The following PBX4 variants were observed in gnomAD, a reference collection of about 807,000 sequenced individuals.
PBX4 encodes pre-B-cell leukemia transcription factor 4.
A neutral mutation model predicts 35.1 loss-of-function variants in PBX4; 26 were observed. The ratio of observed to expected loss-of-function variants is 0.74; its 90% CI spans 0.54 to 1.03. The LOEUF (loss-of-function observed/expected upper bound fraction) is 1.03. Among genes scored for constraint, PBX4 ranks in the 50% least tolerant of loss-of-function variants. PBX4 has a pLI of 0.00. For synonymous variants in PBX4, 199 were observed against 204.2 expected (o/e 0.97, Z 0.22); for missense variants, 448 against 504.3 (o/e 0.89, Z 1.07).
At chr19:19,602,762 T>C (rs1425043346) in intron 1 of PBX4, among the ~76,000 whole-genome samples, 1 of 151,936 alleles carries the variant, frequency 6.6e-6, no homozygotes, top group Non-Finnish European at 1.5e-5. Flanking sequence ...TGCTTTGACA[T>C]TGTGGGGCTT....
At chr19:19,574,123 C>A (rs62137780) in intron 2 of PBX4, among the ~76,000 whole-genome samples, 14 of 152,166 alleles carry the variant, frequency 9.2e-5, no homozygotes, top group Non-Finnish European at 1.9e-4. Flanking sequence ...GCGATCCACC[C>A]GCCTCGGCCT....
chr19:19,585,496 C>T (rs748309017), intron 2 of PBX4, among the ~76,000 whole-genome samples: 16 of 152,160 alleles, frequency 1.1e-4, no homozygotes, highest in Non-Finnish European at 2.1e-4. Context: ...CTAGGCAAAT[C>T]TCCGTCATCT....
chr19:19,572,070 CTTT>C (rs1249792389), intron 2 of PBX4, among the ~76,000 whole-genome samples: 1 of 69,108 alleles, frequency 1.4e-5, no homozygotes. Flanking sequence ...TAGAATCAGG[CTTT>C]TTTTTTTTTT....
chr19:19,595,082 TA>T (rs2061553246), intron 2 of PBX4, among the ~76,000 whole-genome samples: 1 of 152,226 alleles, frequency 6.6e-6, no homozygotes. Context: ...GTTGCATTGC[TA>T]AACATCCGCT....
At chr19:19,573,702 AT>A (rs2061401564) in intron 2 of PBX4, among the ~76,000 whole-genome samples, 1 of 152,102 alleles carries the variant, frequency 6.6e-6, no homozygotes, top group African/African-American at 2.4e-5. Context: ...GAACCATAAA[AT>A]AAAGCCGCCA....
Position 19,565,058 on chromosome 19 carries a change from C to G in PBX4, c.800G>C (p.Arg267Pro), listed in dbSNP as rs148814820. Residue 267 changes from arginine (R) to proline (P), a missense_variant, in exon 6 of 8, where the codon CGG becomes CCG. Transcript: ENST00000251203. ...VSNWFGNKRIRYKKNMGKFQE... is the reference protein window; with the variant it reads ...VSNWFGNKRIPYKKNMGKFQE... Reference sequence around the variant, plus strand: ...AAACTTCCCCATGTTCTTTTTATACCGGATTCTTTTGTTGCCAAACCAGTT... The same window carrying G: ...AAACTTCCCCATGTTCTTTTTATACGGGATTCTTTTGTTGCCAAACCAGTT... The G allele has an allele frequency of 1.9e-6, 3 of 1,614,062 alleles. No individual in the cohort carries two copies. The African/African-American group carries it at 4.0e-5, about 22-fold the overall frequency.
At chr19:19,564,017 GT>G (rs1238695003) in intron 6 of PBX4, among the ~76,000 whole-genome samples, 1 of 151,704 alleles carries the variant, frequency 6.6e-6, no homozygotes, top group Non-Finnish European at 1.5e-5. Flanking sequence ...TATACTTTAA[GT>G]TTTAGGGTAC....
In PBX4 at chr19:19,577,172, G is replaced by A. The variant is rs545303517; in HGVS notation, c.194-6339C>T. ...ATTGTGCCACTGCACTCCAACCTGG[G>A]AAACAGAGCGAGACTCCATGTCAAA... On this transcript the variant is annotated intron_variant, in intron 2 of 7. Coordinates refer to ENST00000251203, the MANE Select transcript of PBX4 (RefSeq NM_025245.3). Among the ~76,000 whole-genome samples the A allele has an allele frequency of 1.6e-4, 22 of 137,450 alleles. No homozygotes were observed. In the East Asian group the frequency reaches 4.6e-3, roughly 29 times the overall value. 90.2% of individuals were successfully genotyped at this position (137,450 alleles called of 152,430 possible).
At chr19:19,590,226 C>T (rs1455418337) in intron 2 of PBX4, among the ~76,000 whole-genome samples, 3 of 152,130 alleles carry the variant, frequency 2.0e-5, no homozygotes, top group Admixed American at 2.0e-4. Context: ...TCACTCTTTA[C>T]GCCCCCTCCC....
intron 2 of PBX4, among the ~76,000 whole-genome samples, chr19:19,578,015 TAAAAAAAAA>T (rs34023797): frequency 1.4e-5 from 1 of 73,380 alleles, no homozygotes; most frequent in Non-Finnish European, 2.5e-5. Flanking sequence ...CCATCTCTAC[TAAAAAAAAA>T]AAAAAAAAAA....
At chr19:19,606,670 A>G (rs2061633384) in intron 1 of PBX4, 1 of 152,262 alleles carries the variant, frequency 6.6e-6, no homozygotes, top group Admixed American at 6.6e-5. Context: ...TGGTGCTGGT[A>G]TGTCTAACAA....
At chr19:19,570,996 C>A in intron 2 of PBX4, 163 bp from the exon 3 acceptor site, 1 of 894,430 alleles carries the variant, frequency 1.1e-6, no homozygotes, top group South Asian at 1.7e-5. Flanking sequence ...GGACACTGAG[C>A]ACCCCGCTAA....
rs1368024662 is a variant in PBX4 at position 19,565,619 on chromosome 19, T to C, written c.769-530A>G. Among the ~76,000 whole-genome samples the C allele has an allele frequency of 2.0e-5, 3 of 152,292 alleles. No homozygotes were observed. In the East Asian group the frequency reaches 5.8e-4, roughly 29 times the overall value. ...ATTCATATATTTTTCTTAATTTTAATTAAAAAAAGGTTTTTTGGCCGGGCG... is the reference window on the plus strand; with the variant it reads ...ATTCATATATTTTTCTTAATTTTAACTAAAAAAAGGTTTTTTGGCCGGGCG... On this transcript the variant is annotated intron_variant, in intron 5 of 7. Coordinates refer to ENST00000251203, the MANE Select transcript of PBX4 (RefSeq NM_025245.3).
chr19:19,593,796 C>T (rs1012224311), intron 2 of PBX4, among the ~76,000 whole-genome samples: 1 of 152,108 alleles, frequency 6.6e-6, no homozygotes, highest in Non-Finnish European at 1.5e-5. Flanking sequence ...GTGCTCTGAG[C>T]CCTGCAGCGG....
intron 2 of PBX4, among the ~76,000 whole-genome samples, chr19:19,589,273 A>G (rs923124276): frequency 6.6e-6 from 1 of 151,944 alleles, no homozygotes; most frequent in Non-Finnish European, 1.5e-5. Context: ...CTAAAAATAC[A>G]AAAAATTAGA....
At chr19:19,573,412 TC>T (rs2061399520) in intron 2 of PBX4, among the ~76,000 whole-genome samples, 1 of 149,226 alleles carries the variant, frequency 6.7e-6, no homozygotes, top group South Asian at 2.1e-4. Flanking sequence ...TGTTTCTTAC[TC>T]AATTAAAATT....
intron 1 of PBX4, among the ~76,000 whole-genome samples, chr19:19,602,410 A>C (rs1269653645): frequency 6.6e-6 from 1 of 152,160 alleles, no homozygotes; most frequent in Non-Finnish European, 1.5e-5. Flanking sequence ...AGATCAAACA[A>C]ACATAACAGG....
intron 5 of PBX4, among the ~76,000 whole-genome samples, chr19:19,566,360 C>A (rs1435858026): frequency 6.6e-6 from 1 of 152,198 alleles, no homozygotes; most frequent in Non-Finnish European, 1.5e-5. Flanking sequence ...AAAAATGTCC[C>A]CTGGGCAGAT....
intron 2 of PBX4, among the ~76,000 whole-genome samples, chr19:19,581,065 A>G (rs1365932287): frequency 6.6e-6 from 1 of 152,192 alleles, no homozygotes; most frequent in Non-Finnish European, 1.5e-5. Flanking sequence ...GGACTCCTAG[A>G]AAGGTGATCT....
Sources: allele counts gnomAD v4.1 joint callset (sites outside exome capture counted in the v4.1 genomes callset), GRCh38; gene constraint gnomAD v4.1.1; transcripts MANE v1.5; gene names NCBI Gene and HGNC (gene_info 2026-07-23, HGNC 2026-07-21).